PRKN: variants seen among roughly 807,000 people sequenced by gnomAD.
PRKN encodes parkin RBR E3 ubiquitin protein ligase.
PRKN carries 56 observed loss-of-function variants against 59.5 expected under a neutral mutation model. That is an observed-to-expected ratio of 0.94 (90% confidence interval 0.76 to 1.18). PRKN has a LOEUF of 1.18. PRKN is among the 50% of genes most tolerant of loss of function. The pLI, the probability that PRKN is intolerant of heterozygous loss-of-function variation, is 0.00. For synonymous variants in PRKN, 250 were observed against 222.1 expected, an observed-to-expected ratio of 1.13 and a Z score of -1.12; for missense variants, 657 against 596.4, an observed-to-expected ratio of 1.10 and a Z score of -1.06.
At chr6:162,688,364 G>A (rs1156821656) in intron 1 of PRKN, among the ~76,000 whole-genome samples, 1 of 152,150 alleles carries the variant, frequency 6.6e-6, no homozygotes, top group Non-Finnish European at 1.5e-5. Context: ...TCTAGATGGT[G>A]AGAACATGGG....
chr6:162,580,443 A>G (rs1307559792), intron 1 of PRKN, among the ~76,000 whole-genome samples: 1 of 78,622 alleles, frequency 1.3e-5, no homozygotes, highest in African/African-American at 3.2e-5. Flanking sequence ...TGTCTCAGAA[A>G]AAAAAAAAAA....
chr6:161,763,478 AG>A (rs1789290476), intron 7 of PRKN, among the ~76,000 whole-genome samples: 1 of 152,000 alleles, frequency 6.6e-6, no homozygotes, highest in African/African-American at 2.4e-5. Context: ...CTTAGTGCAG[AG>A]GGGAACATCT....
chr6:161,782,871 G>C (rs763204630), intron 7 of PRKN, among the ~76,000 whole-genome samples: 1 of 151,882 alleles, frequency 6.6e-6, no homozygotes, highest in African/African-American at 2.4e-5. Context: ...TCCAGCCTCG[G>C]CGACAGAGCA....
chr6:161,999,849 G>T (rs528075875), intron 5 of PRKN, among the ~76,000 whole-genome samples: 1 of 152,050 alleles, frequency 6.6e-6, no homozygotes, highest in South Asian at 2.1e-4. Context: ...AATAATAATA[G>T]CAATAACAAT....
chr6:162,121,605 C>G (rs573436178), intron 4 of PRKN, among the ~76,000 whole-genome samples: 1 of 152,250 alleles, frequency 6.6e-6, no homozygotes, highest in South Asian at 2.1e-4. Flanking sequence ...GCCTTATGAT[C>G]CAACAGATAC....
rs149218780 is a variant in PRKN, at chr6:161,725,864, C to T, written c.871+59908G>A. Reference sequence around the variant, plus strand: ...TCTCAGGGACCAGTCCCTCTTCTCCCATCCTCGGTCATTGCTCTTGAGTTT... The same window carrying T: ...TCTCAGGGACCAGTCCCTCTTCTCCTATCCTCGGTCATTGCTCTTGAGTTT... On this transcript the variant is annotated intron_variant, in intron 7 of 11. Transcript: ENST00000366898. 3.7e-3 allele frequency among the ~76,000 whole-genome samples: 569 copies of T among 152,342 alleles called. 5 individuals are homozygous for T. Among genetic ancestry groups the T allele is most frequent in the African/African-American group, 0.013 (543 of 41,588 alleles).
chr6:162,177,078 C>T (rs375917080), intron 4 of PRKN, among the ~76,000 whole-genome samples: 3 of 152,040 alleles, frequency 2.0e-5, no homozygotes, highest in African/African-American at 4.8e-5. Context: ...TATGTATACC[C>T]CTATTCACTG....
At chr6:161,511,282 T>C (rs368829402) in intron 9 of PRKN, among the ~76,000 whole-genome samples, 3 of 152,276 alleles carry the variant, frequency 2.0e-5, no homozygotes, top group East Asian at 1.9e-4. Flanking sequence ...GTTTAAAAAA[T>C]AGAGGAAAAT....
At chr6:162,413,892 C>A (rs571959322) in intron 2 of PRKN, among the ~76,000 whole-genome samples, 1 of 152,230 alleles carries the variant, frequency 6.6e-6, no homozygotes, top group South Asian at 2.1e-4. Flanking sequence ...CTCAAGATTG[C>A]AGATACAGGC....
At chr6:162,009,932 C>T (rs1021949495) in intron 5 of PRKN, among the ~76,000 whole-genome samples, 8 of 150,538 alleles carry the variant, frequency 5.3e-5, no homozygotes, top group East Asian at 3.9e-4. Context: ...CAAGACTCTG[C>T]GTCAAAAAAA....
At chr6:161,650,517 G>C (rs1350005511) in intron 7 of PRKN, among the ~76,000 whole-genome samples, 2 of 152,244 alleles carry the variant, frequency 1.3e-5, no homozygotes, top group African/African-American at 4.8e-5. Context: ...GAGATTGAGA[G>C]AAAGAGAAAG....
At chr6:162,603,593 G>A (rs960789771) in intron 1 of PRKN, among the ~76,000 whole-genome samples, 6 of 152,192 alleles carry the variant, frequency 3.9e-5, no homozygotes, top group African/African-American at 1.2e-4. Context: ...TGCTCTAAGC[G>A]ATGCTGAAAA....
intron 1 of PRKN, among the ~76,000 whole-genome samples, chr6:162,584,009 C>T (rs1302377115): frequency 1.3e-5 from 2 of 151,924 alleles, no homozygotes; most frequent in African/African-American, 4.8e-5. Context: ...GTCAGGAGAT[C>T]AAGACCATCC....
chr6:162,306,193 C>A (rs9347616), intron 2 of PRKN, among the ~76,000 whole-genome samples: 19,664 of 152,078 alleles, frequency 0.13, 1,757 homozygotes, highest in East Asian at 0.5. Context: ...CCTAAATGAA[C>A]CCTAGTCTAC....
intron 6 of PRKN, among the ~76,000 whole-genome samples, chr6:161,944,280 G>A (rs12663260): frequency 6.6e-6 from 1 of 152,182 alleles, no homozygotes. Flanking sequence ...GCAATGGGGG[G>A]CTTAAGGAAT....
At chr6:162,499,630 G>A (rs1249130474) in intron 1 of PRKN, among the ~76,000 whole-genome samples, 1 of 152,164 alleles carries the variant, frequency 6.6e-6, no homozygotes, top group East Asian at 1.9e-4. Context: ...AAAGACTTTT[G>A]GAAAATTAAT....
intron 1 of PRKN, among the ~76,000 whole-genome samples, chr6:162,717,563 C>T (rs796450447): frequency 1.8e-4 from 14 of 77,298 alleles, no homozygotes; most frequent in African/African-American, 7.7e-4. Context: ...GAGATCTTGT[C>T]TCAAAAAAAA....
intron 3 of PRKN, among the ~76,000 whole-genome samples, chr6:162,213,858 CATAT>C (rs1777520834): frequency 1.9e-5 from 2 of 103,954 alleles, no homozygotes; most frequent in South Asian, 3.1e-4. Flanking sequence ...CACACACACA[CATAT>C]GAATAGTAAG....
chr6:161,926,941 TC>T (rs1778990548), intron 6 of PRKN, among the ~76,000 whole-genome samples: 1 of 152,182 alleles, frequency 6.6e-6, no homozygotes, highest in South Asian at 2.1e-4. Flanking sequence ...ATTTTGCTTC[TC>T]CTTTTTAAAA....
Sources: allele counts gnomAD v4.1 joint callset (sites outside exome capture counted in the v4.1 genomes callset), GRCh38; gene constraint gnomAD v4.1.1; transcripts MANE v1.5; gene names NCBI Gene and HGNC (gene_info 2026-07-23, HGNC 2026-07-21).